RAB21: variants seen among roughly 807,000 people sequenced by gnomAD.
RAB21 encodes ras-related protein Rab-21.
Under a neutral mutation model 33.1 loss-of-function variants are expected in RAB21, and 13 were observed. That is an observed-to-expected ratio of 0.39 (90% CI 0.26 to 0.62). The LOEUF (loss-of-function observed/expected upper bound fraction) is 0.62. Among genes scored for constraint, RAB21 ranks in the 20% least tolerant of loss-of-function variants. The pLI is 0.48. For missense variants in RAB21, 234 were observed against 279.1 expected (o/e 0.84, Z 1.15); for synonymous variants, 91 against 103.7 (o/e 0.88, Z 0.74).
chr12:71,770,541 G>A (rs763610119), intron 2 of RAB21, 51 bp from the exon 3 acceptor site: 13 of 1,254,810 alleles, frequency 1.0e-5, no homozygotes, highest in East Asian at 7.0e-5. Context: ...AGTTGCAATC[G>A]CAGATTTGTA....
rs1883440603 is a variant in RAB21, at chr12:71,794,565, T to C, written c.*8892T>C. The C allele has an allele frequency of 7.1e-6, 1 of 140,108 alleles. No homozygotes were observed. The highest frequency in any genetic ancestry group is 1.5e-5 in the Non-Finnish European group (1 of 64,922). 8.7% of individuals were successfully genotyped at this position (140,108 alleles called of 1,614,324 possible). A position where few individuals can be genotyped will look rare whatever the true frequency, so the allele number is the denominator to read the frequency against. ...CATTCTCCTGCCTCAGCCTCCCGAG[T>C]AGCTGGGACTACAGGCGCCCGCCAC... On this transcript the variant is annotated 3_prime_UTR_variant, in exon 7 of 7. Coordinates refer to ENST00000261263, the MANE Select transcript of RAB21 (RefSeq NM_014999.4).
rs187487714 is a variant in RAB21 at position 71,796,084 on chromosome 12, T to G, written c.*10411T>G. On this transcript the variant is annotated 3_prime_UTR_variant, in exon 7 of 7. Coordinates refer to ENST00000261263, the MANE Select transcript of RAB21 (RefSeq NM_014999.4). ...TCTGCAAATGCCTGATGGGGCACTC[T>G]GAGAATTAAACAGGAAATGGACAGG... The G allele has an allele frequency of 7.3e-6, 1 of 137,424 alleles. No homozygotes were observed. Among genetic ancestry groups the G allele is most frequent in the Non-Finnish European group, 1.5e-5 (1 of 65,960 alleles). 8.5% of individuals were successfully genotyped at this position (137,424 alleles called of 1,614,324 possible).
chr12:71,766,333 C>G (rs1882960256), intron 1 of RAB21, among the ~76,000 whole-genome samples: 1 of 152,102 alleles, frequency 6.6e-6, no homozygotes, highest in African/African-American at 2.4e-5. Context: ...TAATTAATAT[C>G]TGGAGCCAAA....
chr12:71,767,504 GTTTTGT>G (rs1033708814), intron 1 of RAB21, among the ~76,000 whole-genome samples: 1 of 151,920 alleles, frequency 6.6e-6, no homozygotes, highest in Non-Finnish European at 1.5e-5. Flanking sequence ...TTTTTTGTTT[GTTTTGT>G]TTTTGTTTTT....
In RAB21 at chr12:71,793,170, G is replaced by C. The variant is rs2137666450; in HGVS notation, c.*7497G>C. ...TTGTTTGGTTTGGTTTGGTTTTGCG[G>C]TGATTTTTTTTAACCTAGAAAAAAT... On this transcript the variant is annotated 3_prime_UTR_variant, in exon 7 of 7. Coordinates refer to ENST00000261263, the MANE Select transcript of RAB21 (RefSeq NM_014999.4). 1 of 152,214 alleles carries C rather than the reference G, an allele frequency of 6.6e-6. No individual in the cohort carries two copies. The highest frequency in any genetic ancestry group is 1.5e-5 in the Non-Finnish European group (1 of 68,008). The allele number at this position is 152,214 out of a possible 1,614,324, so 9.4% of individuals were successfully genotyped here. A position where few individuals can be genotyped will look rare whatever the true frequency, so the allele number is the denominator to read the frequency against.
chr12:71,782,301 C>G, intron 5 of RAB21: 1 of 556,160 alleles, frequency 1.8e-6, no homozygotes, highest in Non-Finnish European at 3.2e-6. Flanking sequence ...TGATATAAAA[C>G]AAAACTATCA....
In RAB21 at chr12:71,782,566, TA is replaced by T; in HGVS notation, c.447-2del. On this transcript the variant is annotated splice_polypyrimidine_tract_variant and splice_region_variant and intron_variant, in intron 5 of 6. Coordinates refer to ENST00000261263, the MANE Select transcript of RAB21 (RefSeq NM_014999.4). ...ATCAATCACCGATGTTACTTTTTTT[TA>T]AGGTATGCAGAATCTGTGGGAGCAA... is the stretch of plus-strand genomic sequence containing the variant. The T allele has an allele frequency of 1.3e-6, 2 of 1,564,022 alleles. No homozygotes were observed. The highest frequency in any genetic ancestry group is 1.2e-5 in the South Asian group (1 of 84,660).
intron 4 of RAB21, among the ~76,000 whole-genome samples, chr12:71,774,531 G>T (rs894008111): frequency 6.6e-6 from 1 of 152,014 alleles, no homozygotes; most frequent in Non-Finnish European, 1.5e-5. Flanking sequence ...TGCTGAGGCA[G>T]GTAGATCATC....
chr12:71,768,787 A>C lies in RAB21; in HGVS notation c.160-1013A>C, dbSNP rs141039688. 1.4e-3 allele frequency among the ~76,000 whole-genome samples: 220 copies of C among 152,354 alleles called. 2 individuals carry two copies. Among genetic ancestry groups the C allele is most frequent in the African/African-American group, 4.9e-3 (204 of 41,580 alleles). On this transcript the variant is annotated intron_variant, in intron 1 of 6. Coordinates refer to ENST00000261263, the MANE Select transcript of RAB21 (RefSeq NM_014999.4). ...AAAGGTTCAGTGCTATACAGAAGAA[A>C]ATCAGGGAAAAAAAGTTCAAATGAG... is the stretch of plus-strand genomic sequence containing the variant.
At chr12:71,785,397 C>G in intron 6 of RAB21, 134 bp from the exon 7 acceptor site, 5 of 1,023,670 alleles carry the variant, frequency 4.9e-6, no homozygotes, top group Non-Finnish European at 7.1e-6. Flanking sequence ...AGTGAGCTGA[C>G]CCAATGTTCA....
In RAB21 at chr12:71,788,808, T is replaced by G. The variant is rs1883335043; in HGVS notation, c.*3135T>G. The G allele has an allele frequency of 6.6e-6, 1 of 152,164 alleles. No homozygotes were observed. The highest frequency in any genetic ancestry group is 2.4e-5 in the African/African-American group (1 of 41,454). 9.4% of individuals were successfully genotyped at this position (152,164 alleles called of 1,614,324 possible). On this transcript the variant is annotated 3_prime_UTR_variant, in exon 7 of 7. Coordinates refer to ENST00000261263, the MANE Select transcript of RAB21 (RefSeq NM_014999.4). ...CTGTAATGATGATGGGTATTCTGCT[T>G]CTTGTTTTTCATTGTAATTACAGGG...
rs1462981083 is a variant in RAB21 at position 71,795,041 on chromosome 12, T to C, written c.*9368T>C. 1.3e-5 allele frequency: 2 copies of C among 152,124 alleles called. No individual in the cohort carries two copies. The highest frequency in any genetic ancestry group is 2.9e-5 in the Non-Finnish European group (2 of 68,012). 9.4% of individuals were successfully genotyped at this position (152,124 alleles called of 1,614,324 possible). On this transcript the variant is annotated 3_prime_UTR_variant, in exon 7 of 7. Coordinates refer to ENST00000261263, the MANE Select transcript of RAB21 (RefSeq NM_014999.4). ...GGAATGTTTGACAGGGATAAGATTATTGAAAATTGGGGGGAATTTTCTTAA... is the reference window on the plus strand; with the variant it reads ...GGAATGTTTGACAGGGATAAGATTACTGAAAATTGGGGGGAATTTTCTTAA...
intron 4 of RAB21, among the ~76,000 whole-genome samples, chr12:71,779,881 GC>G (rs1883173227): frequency 6.6e-6 from 1 of 152,096 alleles, no homozygotes; most frequent in Non-Finnish European, 1.5e-5. Context: ...GAGTCTCAAA[GC>G]CTTACTCCTT....
intron 1 of RAB21, among the ~76,000 whole-genome samples, chr12:71,768,944 T>C (rs1017957381): frequency 6.6e-6 from 1 of 152,228 alleles, no homozygotes; most frequent in Non-Finnish European, 1.5e-5. Context: ...TGTGTGTGTG[T>C]GTGTCTAAAT....
rs1269482935 is a variant in RAB21, at chr12:71,788,578, A to G, written c.*2905A>G. On this transcript the variant is annotated 3_prime_UTR_variant, in exon 7 of 7. Transcript: ENST00000261263. Reference sequence around the variant, plus strand: ...CTGATGCTTTCTTCATTTCTCTAATATACCTTTTGCATTCTTTTTCTGATA... The same window carrying G: ...CTGATGCTTTCTTCATTTCTCTAATGTACCTTTTGCATTCTTTTTCTGATA... 1 of 152,170 alleles carries G rather than the reference A, an allele frequency of 6.6e-6. No homozygotes were observed. The highest frequency in any genetic ancestry group is 2.4e-5 in the African/African-American group (1 of 41,440). The allele number at this position is 152,170 out of a possible 1,614,324, so 9.4% of individuals were successfully genotyped here.
At chr12:71,781,768 C>T (rs1260723855) in intron 4 of RAB21, among the ~76,000 whole-genome samples, 1 of 152,086 alleles carries the variant, frequency 6.6e-6, no homozygotes, top group Non-Finnish European at 1.5e-5. Context: ...AAAAGAGTGC[C>T]TGTCTCTTTG....
At chr12:71,764,320 A>C (rs1328886565) in intron 1 of RAB21, among the ~76,000 whole-genome samples, 1 of 152,220 alleles carries the variant, frequency 6.6e-6, no homozygotes, top group Non-Finnish European at 1.5e-5. Flanking sequence ...GTAAGAATTA[A>C]GAACCACTGC....
intron 1 of RAB21, among the ~76,000 whole-genome samples, chr12:71,766,009 A>G (rs1286738494): frequency 3.3e-5 from 5 of 152,160 alleles, no homozygotes; most frequent in African/African-American, 9.6e-5. Context: ...TCCATAGAGC[A>G]GGGCTTAAGT....
rs1303602869 is a variant in RAB21 at position 71,792,891 on chromosome 12, G to A, written c.*7218G>A. ...TCACATTCTGTGTTTGATCAGATAT[G>A]TACCTGCCAAACTTTTGGAGTGAGA... On this transcript the variant is annotated 3_prime_UTR_variant, in exon 7 of 7. Transcript: ENST00000261263. The A allele has an allele frequency of 6.6e-6, 1 of 152,218 alleles. No individual in the cohort carries two copies. Among genetic ancestry groups the A allele is most frequent in the Non-Finnish European group, 1.5e-5 (1 of 68,046 alleles). 9.4% of individuals were successfully genotyped at this position (152,218 alleles called of 1,614,324 possible).
Sources: gnomAD v4.1 joint callset for allele counts (sites outside exome capture counted in the v4.1 genomes callset) on GRCh38, gnomAD v4.1.1 for gene constraint, MANE v1.5 for transcripts, NCBI Gene and HGNC (gene_info 2026-07-23, HGNC 2026-07-21) for gene names.